Variants in KIZ observed in about 807,000 individuals in gnomAD.
KIZ encodes kizuna centrosomal protein.
A neutral mutation model predicts 79.6 loss-of-function variants in KIZ; 68 were observed. The ratio of observed to expected loss-of-function variants is 0.85; its 90% CI spans 0.70 to 1.05. The LOEUF is 1.05. Ranked by LOEUF, KIZ falls within the 50% of genes least tolerant of loss-of-function variation. The probability of loss-of-function intolerance (pLI) is 0.00; values close to 1 mark genes in which losing one functional copy is unlikely to be tolerated. For missense variants in KIZ, 797 were observed against 800.4 expected, an observed-to-expected ratio of 1.00 and a Z score of 0.05; for synonymous variants, 280 against 281.8, an observed-to-expected ratio of 0.99 and a Z score of 0.06.
At chr20:21,152,432 G>A (rs763075195) in intron 4 of KIZ, among the ~76,000 whole-genome samples, 18 of 152,082 alleles carry the variant, frequency 1.2e-4, no homozygotes, top group Non-Finnish European at 2.2e-4. Flanking sequence ...AAATCCCTCA[G>A]AATTATAGAA....
intron 6 of KIZ, among the ~76,000 whole-genome samples, chr20:21,174,669 TCTC>T (rs1043052740): frequency 1.3e-5 from 2 of 152,202 alleles, no homozygotes; most frequent in African/African-American, 4.8e-5. Flanking sequence ...CTTTGTTCTG[TCTC>T]CTCCTGGAGT....
intron 6 of KIZ, among the ~76,000 whole-genome samples, chr20:21,164,504 G>A (rs2122719647): frequency 6.6e-6 from 1 of 152,288 alleles, no homozygotes; most frequent in East Asian, 1.9e-4. Context: ...ACTGGAGGTA[G>A]AATGTTATCT....
chr20:21,165,646 C>T lies in KIZ; in HGVS notation c.1352+2487C>T, dbSNP rs566557544. 1.1e-4 allele frequency among the ~76,000 whole-genome samples: 16 copies of T among 152,266 alleles called. No homozygotes were observed. In the East Asian group the frequency reaches 1.2e-3, roughly 11 times the overall value. ...CCTGAGATTCCCGCTCCCTGTTGTC[C>T]ATTCCCTTGCCTTGAGAGTGGGCAG... On this transcript the variant is annotated intron_variant, in intron 6 of 12. Transcript: ENST00000619189.
At chr20:21,235,858 G>A (rs562155369) in intron 11 of KIZ, among the ~76,000 whole-genome samples, 4 of 152,364 alleles carry the variant, frequency 2.6e-5, no homozygotes, top group African/African-American at 7.2e-5. Flanking sequence ...CCAGCCTGCA[G>A]CTGATGCTCT....
Position 21,126,167 on chromosome 20 carries a change from G to A in KIZ, c.52G>A (p.Glu18Lys). The stretch of plus-strand genomic sequence containing the variant: ...GCCCCTGTCGAGTCCCGACTACTAC[G>A]AGAGGCTGGGCCAACTCCAGCACGG... ...AVPLSSPDYYERLGQLQHGLR... is the reference protein window; with the variant it reads ...AVPLSSPDYYKRLGQLQHGLR... The change falls in exon 1 of 13, where the codon GAG (glutamate) becomes AAG (lysine). Residue 18 changes from glutamate to lysine, a missense_variant. Physicochemically the swap from Glu to Lys is moderately conservative, Grantham distance 56 (BLOSUM62 1). Transcript: ENST00000619189. 18 of 1,509,050 alleles carry A rather than the reference G, an allele frequency of 1.2e-5. No individual in the cohort carries two copies. The highest frequency in any genetic ancestry group is 1.5e-5 in the Non-Finnish European group (17 of 1,127,402). The allele number at this position is 1,509,050 out of a possible 1,614,324, so 93.5% of individuals were successfully genotyped here.
intron 4 of KIZ, among the ~76,000 whole-genome samples, chr20:21,156,487 C>T (rs1289247305): frequency 2.6e-5 from 4 of 151,970 alleles, no homozygotes; most frequent in Admixed American, 6.6e-5. Context: ...TGTGGTGATG[C>T]TGGTGTCAAC....
Position 21,226,524 on chromosome 20 carries a change from A to AG in KIZ, c.1679-2481dup, listed in dbSNP as rs376200957. Among the ~76,000 whole-genome samples the AG allele has an allele frequency of 2.5e-3, 382 of 152,174 alleles. 2 individuals carry two copies. Among genetic ancestry groups the AG allele is most frequent in the African/African-American group, 8.7e-3 (363 of 41,522 alleles). Reference sequence around the variant, plus strand: ...GTTTGTGCAACAATTCTGACTAAATAGGGGGGTGATGCATAGGGAGAGCGA... The same window carrying AG: ...GTTTGTGCAACAATTCTGACTAAATAGGGGGGGTGATGCATAGGGAGAGCGA... On this transcript the variant is annotated intron_variant, in intron 9 of 12. Coordinates refer to ENST00000619189, the MANE Select transcript of KIZ (RefSeq NM_018474.6).
In KIZ at chr20:21,148,421, G is replaced by A. The variant is rs1426692435; in HGVS notation, c.405+2767G>A. 2.0e-5 allele frequency among the ~76,000 whole-genome samples: 3 copies of A among 152,098 alleles called. No individual in the cohort carries two copies. The South Asian group carries it at 6.2e-4, about 32-fold the overall frequency. On this transcript the variant is annotated intron_variant, in intron 4 of 12. Coordinates refer to ENST00000619189, the MANE Select transcript of KIZ (RefSeq NM_018474.6). The stretch of plus-strand genomic sequence containing the variant: ...AGTTGCTCTTTAGAATCATACATTC[G>A]CTTAGAAGGATTAATAGTTAGTCTG...
At chr20:21,228,127 A>T (rs2036714806) in intron 9 of KIZ, among the ~76,000 whole-genome samples, 2 of 152,156 alleles carry the variant, frequency 1.3e-5, no homozygotes. Context: ...TGAAGCCAGC[A>T]AAAGCAGGAA....
intron 4 of KIZ, among the ~76,000 whole-genome samples, chr20:21,147,995 G>GTGTGTGTGTGTGTGTGT (rs1555874718): frequency 6.6e-6 from 1 of 151,004 alleles, no homozygotes; most frequent in Admixed American, 6.6e-5. Context: ...GTGTGTGTGT[G>GTGTGTGTGTGTGTGTGT]GCAGCAGATG....
At chr20:21,129,794 A>G (rs1012459267) in intron 1 of KIZ, among the ~76,000 whole-genome samples, 2 of 152,172 alleles carry the variant, frequency 1.3e-5, no homozygotes, top group African/African-American at 2.4e-5. Context: ...CTTACAAAAA[A>G]GTTGCGAATA....
intron 2 of KIZ, among the ~76,000 whole-genome samples, chr20:21,134,175 C>T (rs1331989965): frequency 6.6e-6 from 1 of 152,170 alleles, no homozygotes; most frequent in African/African-American, 2.4e-5. Context: ...AAGGGTGTCT[C>T]ATCCAGCAGC....
chr20:21,161,380 G>C (rs2122676814), intron 4 of KIZ, among the ~76,000 whole-genome samples: 1 of 152,296 alleles, frequency 6.6e-6, no homozygotes, highest in African/African-American at 2.4e-5. Flanking sequence ...TCTCCAGGCT[G>C]GAGTGCAGTG....
rs1045416289 is a variant in KIZ at position 21,141,942 on chromosome 20, C to T, written c.316-3623C>T. Among the ~76,000 whole-genome samples, 2 of 151,302 alleles carry T rather than the reference C, an allele frequency of 1.3e-5. 1 individual carries two copies. The highest frequency in any genetic ancestry group is 4.2e-4 in the South Asian group (2 of 4,784). On this transcript the variant is annotated intron_variant, in intron 3 of 12. Transcript: ENST00000619189. ...CCCCTCCACCTTCTCCTGCCATCCC[C>T]ATTTCTCCCTCTTATCTCTCCCCTG...
chr20:21,219,404 A>G lies in KIZ; in HGVS notation c.1678+3756A>G, dbSNP rs565053194. 2.0e-3 allele frequency among the ~76,000 whole-genome samples: 300 copies of G among 151,758 alleles called. 1 individual carries two copies. The highest frequency in any genetic ancestry group is 3.5e-3 in the Non-Finnish European group (238 of 67,944). ...GTGATCACAGCTTTTTGCAGCCTCTATCTCCTGGGCTCAAGTGATCTTCCT... is the reference window on the plus strand; with the variant it reads ...GTGATCACAGCTTTTTGCAGCCTCTGTCTCCTGGGCTCAAGTGATCTTCCT... On this transcript the variant is annotated intron_variant, in intron 9 of 12. Transcript: ENST00000619189.
intron 11 of KIZ, among the ~76,000 whole-genome samples, chr20:21,236,207 G>A (rs2123470943): frequency 6.6e-6 from 1 of 152,334 alleles, no homozygotes; most frequent in East Asian, 1.9e-4. Context: ...TCTTCTGTAG[G>A]AACCCCGATT....
chr20:21,180,347 T>C (rs1405668882), intron 6 of KIZ, among the ~76,000 whole-genome samples: 3 of 152,050 alleles, frequency 2.0e-5, no homozygotes, highest in African/African-American at 7.3e-5. Flanking sequence ...AAGTAAATTA[T>C]GACATTTTGG....
At chr20:21,216,951 C>T (rs921491954) in intron 9 of KIZ, among the ~76,000 whole-genome samples, 3 of 152,068 alleles carry the variant, frequency 2.0e-5, no homozygotes, top group Non-Finnish European at 2.9e-5. Flanking sequence ...TATAAGAAAA[C>T]GGATAATTAA....
chr20:21,232,398 A>G (rs1444023425), intron 10 of KIZ, among the ~76,000 whole-genome samples: 3 of 152,212 alleles, frequency 2.0e-5, no homozygotes, highest in Non-Finnish European at 2.9e-5. Flanking sequence ...CCCGTGTGTT[A>G]TAACAATGGG....
Sources: allele counts gnomAD v4.1 joint callset (sites outside exome capture counted in the v4.1 genomes callset), GRCh38; gene constraint gnomAD v4.1.1; transcripts MANE v1.5; gene names NCBI Gene and HGNC (gene_info 2026-07-23, HGNC 2026-07-21).